The following RAB11FIP4 variants were observed in gnomAD, a reference collection of about 807,000 sequenced individuals.
RAB11FIP4 encodes the protein rab11 family-interacting protein 4.
RAB11FIP4 carries 23 observed loss-of-function variants against 74.3 expected under a neutral mutation model. That is an observed-to-expected ratio of 0.31 (90% confidence interval 0.22 to 0.44). The LOEUF (loss-of-function observed/expected upper bound fraction) is 0.44. RAB11FIP4 is among the 20% of genes least tolerant of loss of function. The pLI is 1.00. For missense variants in RAB11FIP4, 630 were observed against 863.9 expected, an observed-to-expected ratio of 0.73 and a Z score of 3.39; for synonymous variants, 360 against 359.9, an observed-to-expected ratio of 1.00 and a Z score of 0.00.
chr17:31,505,575 ATATATAATAATAATTATATAT>A lies in RAB11FIP4; in HGVS notation c.337-12054_337-12034del, dbSNP rs1420793463. Among the ~76,000 whole-genome samples, 6 of 77,320 alleles carry A rather than the reference ATATATAATAATAATTATATAT, an allele frequency of 7.8e-5. 1 individual carries two copies. In the South Asian group the frequency reaches 8.6e-4, roughly 11 times the overall value. The allele number at this position is 77,320 out of a possible 152,430, so 50.7% of individuals were successfully genotyped here. Reference sequence around the variant, plus strand: ...ATAATAATAATTATAATATATAATAATATATAATAATAATTATATATTATATAATAATAATTATATATAATA... The same window carrying A: ...ATAATAATAATTATAATATATAATAATATATAATAATAATTATATATAATA... On this transcript the variant is annotated intron_variant, in intron 3 of 14. Transcript: ENST00000621161.
chr17:31,480,491 G>A (rs2071835772), intron 3 of RAB11FIP4, among the ~76,000 whole-genome samples: 1 of 152,066 alleles, frequency 6.6e-6, no homozygotes, highest in African/African-American at 2.4e-5. Context: ...TAAATCCATA[G>A]TGAAAATAGT....
intron 3 of RAB11FIP4, among the ~76,000 whole-genome samples, chr17:31,469,197 C>T (rs937526682): frequency 1.3e-5 from 2 of 152,246 alleles, no homozygotes; most frequent in East Asian, 1.9e-4. Context: ...TAATATGTAG[C>T]GTTCACGATG....
intron 3 of RAB11FIP4, among the ~76,000 whole-genome samples, chr17:31,450,587 T>C (rs2071517168): frequency 2.0e-5 from 3 of 151,914 alleles, no homozygotes; most frequent in Non-Finnish European, 4.4e-5. Context: ...TCAAGTGATC[T>C]GTCCACCTCA....
chr17:31,447,895 A>C (rs1454846987), intron 3 of RAB11FIP4, among the ~76,000 whole-genome samples: 1 of 151,856 alleles, frequency 6.6e-6, no homozygotes, highest in Non-Finnish European at 1.5e-5. Context: ...ATCTCAGCTC[A>C]CTGCAACCTC....
At chr17:31,487,175 C>T (rs1388354149) in intron 3 of RAB11FIP4, among the ~76,000 whole-genome samples, 2 of 152,196 alleles carry the variant, frequency 1.3e-5, no homozygotes, top group African/African-American at 4.8e-5. Flanking sequence ...AACAGCAGGT[C>T]AAAGGGCAAC....
intron 1 of RAB11FIP4, among the ~76,000 whole-genome samples, chr17:31,413,169 GC>G (rs1446844421): frequency 6.6e-6 from 1 of 152,192 alleles, no homozygotes; most frequent in Non-Finnish European, 1.5e-5. Context: ...AAGTGTCAGA[GC>G]TGGGGAGCTC....
intron 1 of RAB11FIP4, among the ~76,000 whole-genome samples, chr17:31,430,493 GACTAC>G (rs757059193): frequency 1.3e-5 from 2 of 151,420 alleles, no homozygotes; most frequent in Non-Finnish European, 2.9e-5. Context: ...GAGTAGCTAG[GACTAC>G]AGGCGCCCGC....
chr17:31,448,412 G>GTTTTTTTTTTTTTT (rs2071491257), intron 3 of RAB11FIP4: 1 of 99,040 alleles, frequency 1.0e-5, no homozygotes, highest in Non-Finnish European at 2.0e-5. Flanking sequence ...TTTTTTTTTT[G>GTTTTTTTTTTTTTT]GCAGAGACCG....
chr17:31,457,080 G>A (rs1028363723), intron 3 of RAB11FIP4, among the ~76,000 whole-genome samples: 1 of 152,212 alleles, frequency 6.6e-6, no homozygotes, highest in African/African-American at 2.4e-5. Flanking sequence ...GGGCTGTAAG[G>A]AGGGATAGTG....
rs910088391 is a variant in RAB11FIP4, at chr17:31,507,759, T to C, written c.337-9892T>C. 5.9e-5 allele frequency among the ~76,000 whole-genome samples: 9 copies of C among 152,228 alleles called. No individual in the cohort carries two copies. In the South Asian group the frequency reaches 1.9e-3, roughly 32 times the overall value. On this transcript the variant is annotated intron_variant, in intron 3 of 14. Coordinates refer to ENST00000621161, the MANE Select transcript of RAB11FIP4 (RefSeq NM_032932.6). ...CCTCCTGCCTCAGCCTCCCAAATAG[T>C]TGGGGATACAGCCATGCACTGCCAT... is the stretch of plus-strand genomic sequence containing the variant.
chr17:31,521,858 G>T, intron 5 of RAB11FIP4, 57 bp from the exon 6 acceptor site: 2 of 1,607,276 alleles, frequency 1.2e-6, no homozygotes, highest in South Asian at 2.2e-5. Context: ...GCAGGGTGGT[G>T]TAGGGCACCA....
chr17:31,440,369 T>G (rs2071396522), intron 3 of RAB11FIP4, among the ~76,000 whole-genome samples: 1 of 152,256 alleles, frequency 6.6e-6, no homozygotes, highest in Non-Finnish European at 1.5e-5. Flanking sequence ...GTCTGTTATA[T>G]TGATCTGTTT....
rs1420619699 is a variant in RAB11FIP4 at position 31,528,791 on chromosome 17, G to A, written c.1653+13G>A. On this transcript the variant is annotated intron_variant, in intron 13 of 14. Transcript: ENST00000621161. ...GCGGCTCAAGCAGGTGGGTCTAGCA[G>A]TCTCTGTGTCCAGTGGGGCAGGGTG... 6.2e-7 allele frequency: 1 copy of A among 1,601,668 alleles called. No homozygotes were observed. Among genetic ancestry groups the A allele is most frequent in the Non-Finnish European group, 8.5e-7 (1 of 1,173,742 alleles).
intron 3 of RAB11FIP4, among the ~76,000 whole-genome samples, chr17:31,441,725 A>C (rs1479634326): frequency 2.6e-5 from 4 of 151,568 alleles, no homozygotes; most frequent in Non-Finnish European, 5.9e-5. Flanking sequence ...ACGGGGTTTC[A>C]CTATGTTGGC....
chr17:31,434,005 C>T (rs752829294), intron 2 of RAB11FIP4, 29 bp from the exon 3 acceptor site: 3 of 1,560,806 alleles, frequency 1.9e-6, no homozygotes, highest in Non-Finnish European at 2.6e-6. Context: ...CAACCCCTCA[C>T]TGTCCCGTGT....
intron 3 of RAB11FIP4, among the ~76,000 whole-genome samples, chr17:31,445,840 C>T (rs572085521): frequency 3.3e-5 from 5 of 151,486 alleles, no homozygotes; most frequent in South Asian, 4.2e-4. Context: ...CCACCCACCT[C>T]GGCCTCCCAA....
At chr17:31,421,235 T>C (rs982734335) in intron 1 of RAB11FIP4, among the ~76,000 whole-genome samples, 3 of 152,150 alleles carry the variant, frequency 2.0e-5, no homozygotes, top group Non-Finnish European at 2.9e-5. Flanking sequence ...CTTTTCTTTT[T>C]TTTTGAGACA....
rs142708106 is a variant in RAB11FIP4, at chr17:31,444,047, G to A, written c.336+9925G>A. ...TCTTCCTGGAAGTTTTTAAAATGAT[G>A]ATAACCTGTGCCTCTCTCTAGAACT... is the stretch of plus-strand genomic sequence containing the variant. On this transcript the variant is annotated intron_variant, in intron 3 of 14. Coordinates refer to ENST00000621161, the MANE Select transcript of RAB11FIP4 (RefSeq NM_032932.6). Among the ~76,000 whole-genome samples, 351 of 152,336 alleles carry A rather than the reference G, an allele frequency of 2.3e-3. 1 individual carries two copies. The highest frequency in any genetic ancestry group is 2.7e-3 in the Admixed American group (41 of 15,306).
At chr17:31,477,640 G>A (rs1185553190) in intron 3 of RAB11FIP4, among the ~76,000 whole-genome samples, 1 of 152,248 alleles carries the variant, frequency 6.6e-6, no homozygotes, top group East Asian at 1.9e-4. Flanking sequence ...TTTCTGCTCA[G>A]TGATTCTTGT....
Sources: gnomAD v4.1 joint callset for allele counts (sites outside exome capture counted in the v4.1 genomes callset) on GRCh38, gnomAD v4.1.1 for gene constraint, MANE v1.5 for transcripts, NCBI Gene and HGNC (gene_info 2026-07-23, HGNC 2026-07-21) for gene names.